The following SAXO1 variants were observed in gnomAD, a reference collection of about 807,000 sequenced individuals.
SAXO1 encodes the protein stabilizer of axonemal microtubules 1.
Under a neutral mutation model 17.5 loss-of-function variants are expected in SAXO1, and 21 were observed. The observed-to-expected ratio is 1.20, with a 90% confidence interval of 0.85 to 1.72. The LOEUF (loss-of-function observed/expected upper bound fraction) is 1.72, where lower values mean the gene tolerates loss of function less well. Ranked by LOEUF, SAXO1 falls within the 40% of genes most tolerant of loss-of-function variation. The pLI is 0.00. For missense variants in SAXO1, 843 were observed against 596.0 expected (o/e 1.41, Z -4.32); for synonymous variants, 274 against 216.5 (o/e 1.27, Z -2.33).
chr9:19,012,960 G>T (rs1268734143), intron 1 of SAXO1, among the ~76,000 whole-genome samples: 1 of 152,172 alleles, frequency 6.6e-6, no homozygotes, highest in Non-Finnish European at 1.5e-5. Flanking sequence ...CTGTGAGGTT[G>T]TTTCTATAGG....
intron 1 of SAXO1, among the ~76,000 whole-genome samples, chr9:18,989,872 C>T (rs1158380285): frequency 6.6e-6 from 1 of 152,276 alleles, no homozygotes; most frequent in African/African-American, 2.4e-5. Flanking sequence ...ACATTTCAGC[C>T]ATTGCTCTTA....
At chr9:18,958,108 C>T (rs1832328084) in intron 1 of SAXO1, among the ~76,000 whole-genome samples, 1 of 152,058 alleles carries the variant, frequency 6.6e-6, no homozygotes, top group Non-Finnish European at 1.5e-5. Context: ...CTCATGGTGC[C>T]AGTGAAATGA....
At chr9:18,950,071 G>C (rs567208289) in intron 2 of SAXO1, among the ~76,000 whole-genome samples, 2 of 151,944 alleles carry the variant, frequency 1.3e-5, no homozygotes, top group African/African-American at 4.8e-5. Context: ...GATTCTGCAA[G>C]AGCCTTGCTT....
chr9:19,040,879 A>G lies in SAXO1; in HGVS notation c.-158+8330T>C, dbSNP rs549025870. 5.9e-5 allele frequency among the ~76,000 whole-genome samples: 9 copies of G among 152,228 alleles called. No individual in the cohort carries two copies. The East Asian group carries it at 1.7e-3, about 29-fold the overall frequency. On this transcript the variant is annotated intron_variant, in intron 1 of 3. Coordinates refer to the SAXO1 transcript ENST00000542071. ...TTGAGTGGTGGTAACAGAACTATATACTTACGTACAATAAATGAATTTTAT... is the reference window on the plus strand; with the variant it reads ...TTGAGTGGTGGTAACAGAACTATATGCTTACGTACAATAAATGAATTTTAT...
intron 1 of SAXO1, among the ~76,000 whole-genome samples, chr9:19,022,072 CTTT>C (rs1297966190): frequency 6.6e-6 from 1 of 152,254 alleles, no homozygotes; most frequent in Non-Finnish European, 1.5e-5. Context: ...TCCGCACTAT[CTTT>C]ATGAGCTGTA....
At chr9:18,966,212 G>A (rs1832710966) in intron 1 of SAXO1, among the ~76,000 whole-genome samples, 2 of 152,158 alleles carry the variant, frequency 1.3e-5, no homozygotes, top group African/African-American at 4.8e-5. Flanking sequence ...TGATGATTAT[G>A]TGTCTTGGGG....
chr9:18,941,524 G>A (rs1831556324), intron 3 of SAXO1, 113 bp downstream of exon 3: 2 of 1,211,838 alleles, frequency 1.7e-6, no homozygotes, highest in Non-Finnish European at 2.4e-6. Context: ...TGGCCCGTAG[G>A]AAGTAGTCTG....
chr9:19,041,179 AG>A (rs1361219632), intron 1 of SAXO1, among the ~76,000 whole-genome samples: 1 of 150,812 alleles, frequency 6.6e-6, no homozygotes, highest in Admixed American at 6.6e-5. Context: ...AAAAAAAAAA[AG>A]TAATCCCATT....
At position 18,928,405 on chromosome 9, in the gene SAXO1, C is replaced by G. The variant is rs1216220361; in HGVS notation, c.1072G>C (p.Val358Leu). Residue 358 changes from valine to leucine, a missense_variant, in exon 4 of 4, where the codon GTT becomes CTT. Coordinates refer to ENST00000380534, the MANE Select transcript of SAXO1 (RefSeq NM_153707.4). Reference sequence around the variant, plus strand: ...TCGGTGGGCAAGTCCAGCTGGGGAACGGGCTTGACTGGCTCTGTGCGCATG... The same window carrying G: ...TCGGTGGGCAAGTCCAGCTGGGGAAGGGGCTTGACTGGCTCTGTGCGCATG... ...SSMRTEPVKP[V>L]PQLDLPTEPL... The G allele has an allele frequency of 6.2e-7, 1 of 1,609,572 alleles. No homozygotes were observed. Among genetic ancestry groups the G allele is most frequent in the Non-Finnish European group, 8.5e-7 (1 of 1,177,648 alleles).
chr9:18,993,107 T>C (rs1411634415), intron 1 of SAXO1, among the ~76,000 whole-genome samples: 1 of 137,010 alleles, frequency 7.3e-6, no homozygotes, highest in Non-Finnish European at 1.5e-5. Flanking sequence ...GCCAGAACAA[T>C]TTTTTTTTTT....
Position 18,984,715 on chromosome 9 carries a change from T to A in SAXO1, c.39-33778A>T, listed in dbSNP as rs1833528120. Among the ~76,000 whole-genome samples, 2 of 152,166 alleles carry A rather than the reference T, an allele frequency of 1.3e-5. 1 individual carries two copies. The highest frequency in any genetic ancestry group is 4.1e-4 in the South Asian group (2 of 4,832). On this transcript the variant is annotated intron_variant, in intron 1 of 3. Coordinates refer to ENST00000380534, the MANE Select transcript of SAXO1 (RefSeq NM_153707.4). ...AGGGAATGTTGTGGCTGCTAAAACT[T>A]TCTCCATATCACTAAAACTTTCCCC... is the stretch of plus-strand genomic sequence containing the variant.
At chr9:18,982,986 G>A (rs1376578301) in intron 1 of SAXO1, among the ~76,000 whole-genome samples, 1 of 152,084 alleles carries the variant, frequency 6.6e-6, no homozygotes, top group Non-Finnish European at 1.5e-5. Context: ...ATCAGCAGAG[G>A]AAATCAGGAA....
At chr9:18,988,182 A>G (rs773992062) in intron 1 of SAXO1, among the ~76,000 whole-genome samples, 1 of 152,252 alleles carries the variant, frequency 6.6e-6, no homozygotes, top group Non-Finnish European at 1.5e-5. Context: ...TCCTAGCCAC[A>G]AAGTGGCTCT....
intron 1 of SAXO1, among the ~76,000 whole-genome samples, chr9:18,997,582 C>A (rs560353800): frequency 2.9e-4 from 44 of 152,380 alleles, no homozygotes; most frequent in African/African-American, 9.6e-4. Flanking sequence ...GCTTAAATGT[C>A]CCTGCCAGAT....
At position 18,956,161 on chromosome 9, in the gene SAXO1, G is replaced by C. The variant is rs1832252170; in HGVS notation, c.39-5224C>G. On this transcript the variant is annotated intron_variant, in intron 1 of 3. Transcript: ENST00000380534. ...AAATGGAGTTTTGCCATGTTGCCCA[G>C]GCTGGTCTCAAACTCCTGGGCTCAA... Among the ~76,000 whole-genome samples, 3 of 146,206 alleles carry C rather than the reference G, an allele frequency of 2.1e-5. No homozygotes were observed. The South Asian group carries it at 6.5e-4, about 32-fold the overall frequency.
chr9:18,944,931 G>A (rs1178744976), intron 2 of SAXO1, among the ~76,000 whole-genome samples: 1 of 152,016 alleles, frequency 6.6e-6, no homozygotes, highest in African/African-American at 2.4e-5. Flanking sequence ...TATTAAAATG[G>A]AATCCATCTT....
chr9:19,045,183 G>A (rs377067336), intron 1 of SAXO1, among the ~76,000 whole-genome samples: 4 of 150,796 alleles, frequency 2.7e-5, no homozygotes, highest in African/African-American at 7.3e-5. Flanking sequence ...GGTGGCGGGC[G>A]CCTGTAGTCC....
chr9:18,979,617 G>A (rs139221281), intron 1 of SAXO1, among the ~76,000 whole-genome samples: 3 of 152,312 alleles, frequency 2.0e-5, no homozygotes, highest in African/African-American at 4.8e-5. Flanking sequence ...GATTGGGAGT[G>A]ATCTCATCAG....
intron 1 of SAXO1, among the ~76,000 whole-genome samples, chr9:18,982,612 T>C (rs1306047769): frequency 3.9e-5 from 6 of 152,162 alleles, no homozygotes; most frequent in Admixed American, 1.3e-4. Flanking sequence ...ATAACGTCAG[T>C]TGGGAGGGAG....
Sources: gnomAD v4.1 joint callset for allele counts (sites outside exome capture counted in the v4.1 genomes callset) on GRCh38, gnomAD v4.1.1 for gene constraint, MANE v1.5 for transcripts, NCBI Gene and HGNC (gene_info 2026-07-23, HGNC 2026-07-21) for gene names.